The following OTUD7A variants were observed in gnomAD, a reference collection of about 807,000 sequenced individuals.
The protein encoded by OTUD7A is OTU deubiquitinase 7A, also known as OTU domain-containing protein 7A.
In OTUD7A, 12 loss-of-function variants were observed where a neutral mutation model predicts 65.7. The observed-to-expected ratio is 0.18, with a 90% CI of 0.12 to 0.30. The LOEUF is 0.30. OTUD7A is among the 10% of genes least tolerant of loss of function. OTUD7A has a pLI of 1.00. For synonymous variants in OTUD7A, 641 were observed against 586.3 expected (o/e 1.09, Z -1.35); for missense variants, 1,148 against 1,304.8 (o/e 0.88, Z 1.85).
chr15:31,675,201 A>G (rs1892569646), intron 1 of OTUD7A, among the ~76,000 whole-genome samples: 2 of 152,178 alleles, frequency 1.3e-5, no homozygotes, highest in African/African-American at 4.8e-5. Flanking sequence ...AGACATAAAG[A>G]GACAAATTAG....
intron 8 of OTUD7A, among the ~76,000 whole-genome samples, chr15:31,511,893 A>AC (rs748411479): frequency 8.2e-4 from 124 of 151,334 alleles, no homozygotes; most frequent in Admixed American, 1.1e-3. Context: ...TTGAGGCTTA[A>AC]CCCCCCCGCC....
intron 1 of OTUD7A, among the ~76,000 whole-genome samples, chr15:31,698,595 C>T (rs1012692520): frequency 6.6e-5 from 10 of 151,736 alleles, no homozygotes; most frequent in Non-Finnish European, 1.3e-4. Flanking sequence ...CATCTAAAGG[C>T]TACCGAGGCC....
chr15:31,484,560 C>T lies in OTUD7A; in HGVS notation c.1536G>A (p.Lys512=), dbSNP rs139774758. 3.7e-5 allele frequency: 59 copies of T among 1,611,180 alleles called. No individual in the cohort carries two copies. The highest frequency in any genetic ancestry group is 1.0e-4 in the Admixed American group (6 of 59,926). ...DKEKEKQRKE[K]DKTRADSVAN... ...CCACGGAGTCGGCGCGCGTCTTGTC[C>T]TTCTCCTTGCGCTGCTTCTCCTTCT... Residue 512 remains lysine, a synonymous_variant, in exon 13 of 13, where the codon AAG becomes AAA. Coordinates refer to ENST00000307050, the MANE Select transcript of OTUD7A (RefSeq NM_001382637.1). The surrounding 1 kb of genome is among the most constrained non-coding windows in gnomAD (Gnocchi z 4.5).
chr15:31,831,718 C>A (rs937785609), intron 1 of OTUD7A, among the ~76,000 whole-genome samples: 1 of 152,224 alleles, frequency 6.6e-6, no homozygotes, highest in Non-Finnish European at 1.5e-5. Context: ...CAACAAGCTC[C>A]AAACTGGGAA....
intron 1 of OTUD7A, among the ~76,000 whole-genome samples, chr15:31,815,204 C>G (rs184752502): frequency 6.6e-6 from 1 of 152,180 alleles, no homozygotes; most frequent in African/African-American, 2.4e-5. Context: ...CCAAACACCC[C>G]CTGCCAGGAC....
At position 31,559,006 on chromosome 15, in the gene OTUD7A, C is replaced by G; in HGVS notation, c.513G>C (p.Leu171Phe). 6.2e-7 allele frequency: 1 copy of G among 1,614,232 alleles called. No individual in the cohort carries two copies. The highest frequency in any genetic ancestry group is 8.5e-7 in the Non-Finnish European group (1 of 1,180,042). ...EDFRSFIERD[L>F]IEQATMVALE... Reference sequence around the variant, plus strand: ...AAGCCACCATTGTTGCCTGCTCGATCAAGTCCCGCTCGATGAAGCTCCTGA... The same window carrying G: ...AAGCCACCATTGTTGCCTGCTCGATGAAGTCCCGCTCGATGAAGCTCCTGA... Residue 171 changes from leucine to phenylalanine, a missense_variant, in exon 5 of 13, where the codon TTG (leucine) becomes TTC (phenylalanine). Physicochemically the swap from Leu to Phe is conservative, Grantham distance 22. This residue lies in a region of OTUD7A where 134 missense variants were observed against 252.6 expected (regional missense o/e 0.53). Coordinates refer to ENST00000307050, the MANE Select transcript of OTUD7A (RefSeq NM_001382637.1).
At chr15:31,844,801 T>A (rs1897260303) in intron 1 of OTUD7A, among the ~76,000 whole-genome samples, 1 of 152,134 alleles carries the variant, frequency 6.6e-6, no homozygotes, top group Middle Eastern at 3.2e-3. Flanking sequence ...GGTAGATGGG[T>A]CCCACAGGAG....
At chr15:31,742,157 A>G (rs1894361334) in intron 1 of OTUD7A, among the ~76,000 whole-genome samples, 1 of 152,094 alleles carries the variant, frequency 6.6e-6, no homozygotes, top group Admixed American at 6.5e-5. Context: ...CTTACAATCT[A>G]ATCCACAATA....
chr15:31,685,691 A>T (rs533387942), intron 1 of OTUD7A, among the ~76,000 whole-genome samples: 31 of 152,338 alleles, frequency 2.0e-4, no homozygotes, highest in African/African-American at 7.2e-4. Flanking sequence ...ATGCTTGTGG[A>T]GCCAGATCAT....
chr15:31,825,589 C>T (rs1896779090), intron 1 of OTUD7A, among the ~76,000 whole-genome samples: 2 of 152,228 alleles, frequency 1.3e-5, no homozygotes, highest in African/African-American at 4.8e-5. Context: ...CTGGGCCCTG[C>T]CAAATCTCAT....
chr15:31,487,390 A>G lies in OTUD7A; in HGVS notation c.1286+62T>C, dbSNP rs890746086. 38 of 1,585,682 alleles carry G rather than the reference A, an allele frequency of 2.4e-5. No homozygotes were observed. The highest frequency in any genetic ancestry group is 3.1e-5 in the Non-Finnish European group (36 of 1,158,704). On this transcript the variant is annotated intron_variant, in intron 11 of 12. Coordinates refer to ENST00000307050, the MANE Select transcript of OTUD7A (RefSeq NM_001382637.1). The surrounding 1 kb of genome is among the most constrained non-coding windows in gnomAD (Gnocchi z 6.0). ...AGCAGGGGTGGTACATTCCCTCCCC[A>G]GGATGCCCCAGCCATAGCCCTCCCT... is the stretch of plus-strand genomic sequence containing the variant.
At chr15:31,834,563 T>C (rs547295416) in intron 1 of OTUD7A, among the ~76,000 whole-genome samples, 2 of 152,340 alleles carry the variant, frequency 1.3e-5, no homozygotes, top group African/African-American at 4.8e-5. Flanking sequence ...CAGATGTAAT[T>C]TGTAAAATAT....
At chr15:31,828,304 T>C (rs1240060947) in intron 1 of OTUD7A, among the ~76,000 whole-genome samples, 1 of 152,200 alleles carries the variant, frequency 6.6e-6, no homozygotes, top group Non-Finnish European at 1.5e-5. Context: ...TTTTTGTTAG[T>C]ATTTTCTTTT....
At chr15:31,656,040 C>A (rs960579577) in intron 2 of OTUD7A, among the ~76,000 whole-genome samples, 1 of 152,214 alleles carries the variant, frequency 6.6e-6, no homozygotes, top group African/African-American at 2.4e-5. Context: ...AAATACCACA[C>A]TTGCTGAAGA....
chr15:31,816,045 T>C (rs891151866), intron 1 of OTUD7A, among the ~76,000 whole-genome samples: 8 of 152,214 alleles, frequency 5.3e-5, no homozygotes, highest in African/African-American at 1.9e-4. Flanking sequence ...GAGGAGATTC[T>C]GCTGGCCTCC....
intron 1 of OTUD7A, among the ~76,000 whole-genome samples, chr15:31,713,594 G>A (rs1485439790): frequency 6.6e-6 from 1 of 151,700 alleles, no homozygotes; most frequent in East Asian, 1.9e-4. Flanking sequence ...ACTCCAGCCA[G>A]GACAACAGGG....
chr15:31,769,046 T>G (rs1201101793), intron 1 of OTUD7A, among the ~76,000 whole-genome samples: 1 of 152,202 alleles, frequency 6.6e-6, no homozygotes, highest in Non-Finnish European at 1.5e-5. Context: ...GGCTGAAATA[T>G]GCCAACTAAT....
intron 3 of OTUD7A, among the ~76,000 whole-genome samples, chr15:31,636,164 AC>A (rs1891336983): frequency 6.6e-6 from 1 of 152,160 alleles, no homozygotes; most frequent in Non-Finnish European, 1.5e-5. Context: ...TTTTCTTTTT[AC>A]AAATTAAAGG....
chr15:31,768,997 T>A (rs1278743232), intron 1 of OTUD7A, among the ~76,000 whole-genome samples: 1 of 152,110 alleles, frequency 6.6e-6, no homozygotes, highest in African/African-American at 2.4e-5. Context: ...CAAAAAACTG[T>A]CCATCTAAGT....
Sources: gnomAD v4.1 joint callset for allele counts (sites outside exome capture counted in the v4.1 genomes callset) on GRCh38, gnomAD v4.1.1 for gene constraint, gnomAD v4.1.1 regional missense constraint, Gnocchi (gnomAD v3.1) non-coding constraint, MANE v1.5 for transcripts, NCBI Gene and HGNC (gene_info 2026-07-23, HGNC 2026-07-21) for gene names.